Variants in CARMIL1 observed in about 807,000 individuals in gnomAD.
The protein encoded by CARMIL1 is capping protein regulator and myosin 1 linker 1.
A neutral mutation model predicts 177.1 loss-of-function variants in CARMIL1; 90 were observed. The ratio of observed to expected loss-of-function variants is 0.51; its 90% CI spans 0.43 to 0.61. The LOEUF (loss-of-function observed/expected upper bound fraction) is 0.61, where lower values mean the gene tolerates loss of function less well. CARMIL1 is among the 20% of genes least tolerant of loss of function. The pLI, the probability that CARMIL1 is intolerant of heterozygous loss-of-function variation, is 0.00. For synonymous variants in CARMIL1, 577 were observed against 606.2 expected (o/e 0.95, Z 0.71); for missense variants, 1,380 against 1,667.0 (o/e 0.83, Z 3.00).
chr6:25,578,481 G>T (rs1812803259), intron 29 of CARMIL1, among the ~76,000 whole-genome samples: 1 of 152,044 alleles, frequency 6.6e-6, no homozygotes, highest in Non-Finnish European at 1.5e-5. Context: ...CTTGCTTTAG[G>T]TTTATATGTA....
chr6:25,540,183 A>T, intron 26 of CARMIL1, 105 bp downstream of exon 26: 1 of 1,076,870 alleles, frequency 9.3e-7, no homozygotes, highest in Non-Finnish European at 1.3e-6. Flanking sequence ...GTATGTGTGC[A>T]TGCTGCAAAG....
chr6:25,297,793 G>A (rs1217182450), intron 2 of CARMIL1, among the ~76,000 whole-genome samples: 1 of 152,150 alleles, frequency 6.6e-6, no homozygotes, highest in African/African-American at 2.4e-5. Flanking sequence ...TGCTCACGTC[G>A]TTTTTTCTGT....
intron 2 of CARMIL1, among the ~76,000 whole-genome samples, chr6:25,382,479 C>T (rs758309794): frequency 1.6e-4 from 24 of 152,046 alleles, no homozygotes; most frequent in Non-Finnish European, 1.8e-4. Context: ...TTGTGAAGAG[C>T]GAAAGAACAA....
At chr6:25,414,023 T>C (rs374403272) in intron 2 of CARMIL1, among the ~76,000 whole-genome samples, 7 of 152,234 alleles carry the variant, frequency 4.6e-5, no homozygotes, top group African/African-American at 1.2e-4. Context: ...AGTTAAGTTA[T>C]AAGAAGAGCT....
chr6:25,579,095 T>A (rs1267376953), intron 29 of CARMIL1, among the ~76,000 whole-genome samples: 2 of 149,940 alleles, frequency 1.3e-5, no homozygotes, highest in Non-Finnish European at 3.0e-5. Flanking sequence ...TTATTTTATA[T>A]ATAGTACATA....
intron 2 of CARMIL1, among the ~76,000 whole-genome samples, chr6:25,408,682 C>T (rs1794628470): frequency 6.6e-6 from 1 of 152,074 alleles, no homozygotes. Flanking sequence ...AAGCCTAGTG[C>T]TCTGCATGAT....
intron 35 of CARMIL1, among the ~76,000 whole-genome samples, chr6:25,609,587 A>T (rs985258466): frequency 2.0e-5 from 3 of 152,208 alleles, no homozygotes; most frequent in Non-Finnish European, 4.4e-5. Context: ...CCATGATTCC[A>T]AATTATTGTT....
intron 22 of CARMIL1, among the ~76,000 whole-genome samples, chr6:25,518,417 C>T (rs1470082966): frequency 1.3e-5 from 2 of 152,188 alleles, no homozygotes; most frequent in Non-Finnish European, 2.9e-5. Context: ...GGCTCTACTT[C>T]AGCCAGGAGT....
chr6:25,469,604 C>T (rs1163373053), intron 9 of CARMIL1, among the ~76,000 whole-genome samples: 2 of 151,982 alleles, frequency 1.3e-5, no homozygotes, highest in Non-Finnish European at 2.9e-5. Context: ...GTGGCCCAGG[C>T]TGGGATGCAG....
intron 36 of CARMIL1, among the ~76,000 whole-genome samples, chr6:25,616,687 C>G (rs139658693): frequency 6.6e-6 from 1 of 152,298 alleles, no homozygotes; most frequent in Non-Finnish European, 1.5e-5. Flanking sequence ...TTAATAGAAG[C>G]CTGACTAAAC....
intron 2 of CARMIL1, among the ~76,000 whole-genome samples, chr6:25,400,730 C>T (rs145251815): frequency 2.1e-3 from 326 of 152,340 alleles, no homozygotes; most frequent in African/African-American, 6.9e-3. Context: ...ACACAGCTGG[C>T]AACCTTCTTA....
In CARMIL1 at chr6:25,606,272, T is replaced by C. The variant is rs997741699; in HGVS notation, c.3846T>C (p.Pro1282=). The change falls in exon 35 of 37, where the codon CCT becomes CCC. Residue 1282 remains proline, a splice_region_variant and synonymous_variant. Coordinates refer to ENST00000329474, the MANE Select transcript of CARMIL1 (RefSeq NM_017640.6). ...IPQKPRTASR[P]DDIPDSPSSP... is the part of the protein sequence containing the mutation. ...AGAAACCAAGAACCGCCTCACGGCC[T>C]GGTAAGAGTTTTGCAGTTAGGGAGT... The C allele has an allele frequency of 1.2e-6, 2 of 1,612,444 alleles. No homozygotes were observed. Among genetic ancestry groups the C allele is most frequent in the Admixed American group, 1.7e-5 (1 of 59,884 alleles).
chr6:25,550,106 C>T (rs1036712685), intron 26 of CARMIL1, among the ~76,000 whole-genome samples: 2 of 152,280 alleles, frequency 1.3e-5, no homozygotes, highest in South Asian at 2.1e-4. Context: ...ACTTTCCAAC[C>T]GTATCACCCA....
At chr6:25,454,281 A>T (rs187282677) in intron 8 of CARMIL1, among the ~76,000 whole-genome samples, 67 of 152,276 alleles carry the variant, frequency 4.4e-4, no homozygotes, top group African/African-American at 1.4e-3. Context: ...CCAGATAGTA[A>T]ATATTTTAGA....
At chr6:25,463,819 C>CTTTTTTT (rs68160209) in intron 8 of CARMIL1, among the ~76,000 whole-genome samples, 27 of 108,512 alleles carry the variant, frequency 2.5e-4, no homozygotes, top group Admixed American at 4.2e-4. Flanking sequence ...AGTTGTTCTC[C>CTTTTTTT]TTTTTTTTTT....
intron 2 of CARMIL1, among the ~76,000 whole-genome samples, chr6:25,308,155 C>T (rs1371775759): frequency 6.6e-6 from 1 of 152,098 alleles, no homozygotes; most frequent in Non-Finnish European, 1.5e-5. Flanking sequence ...TTCTCTTAGC[C>T]CTTATTTCTT....
intron 31 of CARMIL1, among the ~76,000 whole-genome samples, chr6:25,585,008 C>T (rs1222988898): frequency 1.3e-5 from 2 of 152,164 alleles, no homozygotes; most frequent in African/African-American, 4.8e-5. Flanking sequence ...AAAGGTAAGT[C>T]CCAAAATAAT....
intron 2 of CARMIL1, among the ~76,000 whole-genome samples, chr6:25,394,769 A>G (rs1042774038): frequency 1.1e-4 from 16 of 152,244 alleles, no homozygotes; most frequent in African/African-American, 3.4e-4. Flanking sequence ...TAAAAGAAAC[A>G]TTTATACATT....
intron 2 of CARMIL1, among the ~76,000 whole-genome samples, chr6:25,307,428 C>A (rs1783365745): frequency 6.6e-6 from 1 of 152,090 alleles, no homozygotes; most frequent in Non-Finnish European, 1.5e-5. Flanking sequence ...CATCTTTGTC[C>A]ACCTTTTTTG....
Sources: allele counts gnomAD v4.1 joint callset (sites outside exome capture counted in the v4.1 genomes callset), GRCh38; gene constraint gnomAD v4.1.1; transcripts MANE v1.5; gene names NCBI Gene and HGNC (gene_info 2026-07-23, HGNC 2026-07-21).